GTF2F2: variants seen among roughly 807,000 people sequenced by gnomAD.
The protein encoded by GTF2F2 is general transcription factor IIF subunit 2, also known as ATP-dependent helicase GTF2F2.
In GTF2F2, 23 loss-of-function variants were observed where a neutral mutation model predicts 42.2. That is an observed-to-expected ratio of 0.55 (90% CI 0.39 to 0.77). The LOEUF (loss-of-function observed/expected upper bound fraction) is 0.77, where lower values mean the gene tolerates loss of function less well. GTF2F2 is among the 30% of genes least tolerant of loss of function. GTF2F2 has a pLI of 0.00. For synonymous variants in GTF2F2, 105 were observed against 100.8 expected, an observed-to-expected ratio of 1.04 and a Z score of -0.25; for missense variants, 261 against 287.2, an observed-to-expected ratio of 0.91 and a Z score of 0.66.
At chr13:45,198,079 A>G (rs1237976282) in intron 4 of GTF2F2, among the ~76,000 whole-genome samples, 4 of 152,218 alleles carry the variant, frequency 2.6e-5, no homozygotes, top group East Asian at 3.8e-4. Context: ...TTAATCATAT[A>G]TAACCAACTT....
intron 2 of GTF2F2, among the ~76,000 whole-genome samples, chr13:45,147,616 C>G (rs1870261455): frequency 6.6e-6 from 1 of 152,064 alleles, no homozygotes; most frequent in Admixed American, 6.6e-5. Flanking sequence ...ATTTTCTCAC[C>G]TCGTTTTAAG....
intron 4 of GTF2F2, among the ~76,000 whole-genome samples, chr13:45,200,430 C>A (rs1873121223): frequency 6.6e-6 from 1 of 151,348 alleles, no homozygotes. Context: ...TAGGAAACTC[C>A]CGTATAGTTG....
At chr13:45,225,942 T>A (rs1288858630) in intron 5 of GTF2F2, among the ~76,000 whole-genome samples, 2 of 152,160 alleles carry the variant, frequency 1.3e-5, no homozygotes, top group African/African-American at 4.8e-5. Flanking sequence ...TCAATCTTAT[T>A]GTAATTAACT....
At chr13:45,209,607 AG>A (rs999164274) in intron 5 of GTF2F2, among the ~76,000 whole-genome samples, 1 of 152,166 alleles carries the variant, frequency 6.6e-6, no homozygotes, top group Non-Finnish European at 1.5e-5. Flanking sequence ...GGAAGACTTT[AG>A]GGACCTGTGT....
intron 4 of GTF2F2, among the ~76,000 whole-genome samples, chr13:45,164,879 T>C (rs1209926939): frequency 6.6e-6 from 1 of 152,256 alleles, no homozygotes; most frequent in African/African-American, 2.4e-5. Context: ...ACTTGAACTG[T>C]GTTCTTGATT....
At chr13:45,263,650 A>G (rs2138260500) in intron 6 of GTF2F2, 1 of 152,252 alleles carries the variant, frequency 6.6e-6, no homozygotes, top group Admixed American at 6.5e-5. Context: ...AGTTAATTTT[A>G]TTTTCTGAAT....
chr13:45,167,689 G>A (rs1255767830), intron 4 of GTF2F2, among the ~76,000 whole-genome samples: 1 of 151,914 alleles, frequency 6.6e-6, no homozygotes, highest in African/African-American at 2.4e-5. Flanking sequence ...GTGAGCCACC[G>A]TGCCCGGCCC....
intron 4 of GTF2F2, among the ~76,000 whole-genome samples, chr13:45,174,525 T>G (rs1871766139): frequency 6.6e-6 from 1 of 152,108 alleles, no homozygotes; most frequent in African/African-American, 2.4e-5. Context: ...TAAGCCTTTA[T>G]TCCTCAGTAA....
chr13:45,176,388 G>A (rs1023863716), intron 4 of GTF2F2, among the ~76,000 whole-genome samples: 26 of 152,054 alleles, frequency 1.7e-4, no homozygotes, highest in African/African-American at 3.6e-4. Flanking sequence ...TTTGACATCC[G>A]TCTCTTTTTT....
chr13:45,129,797 G>C (rs769607082), intron 1 of GTF2F2, among the ~76,000 whole-genome samples: 11 of 152,206 alleles, frequency 7.2e-5, no homozygotes, highest in Non-Finnish European at 1.3e-4. Flanking sequence ...ATTTAAAGCA[G>C]ATGATAAGTG....
rs1017713698 is a variant in GTF2F2, at chr13:45,171,866, C to T, written c.304+20035C>T. ...CCTAAAATACTTGGTCTTTTGTGAC[C>T]TTTTTTTTTTTTTTTACTTAGCATG... On this transcript the variant is annotated intron_variant, in intron 4 of 7. Coordinates refer to ENST00000340473, the MANE Select transcript of GTF2F2 (RefSeq NM_004128.3). Among the ~76,000 whole-genome samples, 23 of 140,814 alleles carry T rather than the reference C, an allele frequency of 1.6e-4. 1 individual carries two copies. Among genetic ancestry groups the T allele is most frequent in the African/African-American group, 4.9e-4 (19 of 38,714 alleles). The allele number at this position is 140,814 out of a possible 152,430, so 92.4% of individuals were successfully genotyped here. A position where few individuals can be genotyped will look rare whatever the true frequency, so the allele number is the denominator to read the frequency against.
intron 6 of GTF2F2, among the ~76,000 whole-genome samples, chr13:45,260,086 A>G (rs1245406834): frequency 6.6e-6 from 1 of 152,066 alleles, no homozygotes; most frequent in Non-Finnish European, 1.5e-5. Flanking sequence ...TACTTAGTAA[A>G]CTGGTTGTTG....
At chr13:45,178,901 A>G (rs1872014703) in intron 4 of GTF2F2, among the ~76,000 whole-genome samples, 1 of 152,150 alleles carries the variant, frequency 6.6e-6, no homozygotes, top group African/African-American at 2.4e-5. Flanking sequence ...GCTAGGGTGC[A>G]GTGTCCAGGA....
intron 7 of GTF2F2, among the ~76,000 whole-genome samples, chr13:45,280,461 A>T (rs1452597804): frequency 2.6e-5 from 4 of 152,066 alleles, no homozygotes; most frequent in Admixed American, 6.6e-5. Context: ...AATTTATTTG[A>T]TTAGAGTAAA....
intron 4 of GTF2F2, among the ~76,000 whole-genome samples, chr13:45,168,592 G>T (rs1871415309): frequency 6.6e-6 from 1 of 151,996 alleles, no homozygotes; most frequent in Non-Finnish European, 1.5e-5. Flanking sequence ...AGTGTTTTCT[G>T]ACAAATAAAC....
At chr13:45,201,226 A>G (rs1428687797) in intron 4 of GTF2F2, among the ~76,000 whole-genome samples, 2 of 152,202 alleles carry the variant, frequency 1.3e-5, no homozygotes, top group Non-Finnish European at 2.9e-5. Context: ...CATAGAGTGT[A>G]TGTCAAGTTC....
At chr13:45,160,789 G>A (rs1276802828) in intron 4 of GTF2F2, among the ~76,000 whole-genome samples, 1 of 150,422 alleles carries the variant, frequency 6.6e-6, no homozygotes, top group East Asian at 1.9e-4. Context: ...TTAAAGGATG[G>A]GCTTTTTTCA....
At chr13:45,123,955 C>T in intron 1 of GTF2F2, 1 of 672,130 alleles carries the variant, frequency 1.5e-6, no homozygotes, top group Non-Finnish European at 2.6e-6. Flanking sequence ...GACTCCCCAG[C>T]ATTGAGGGTC....
intron 1 of GTF2F2, among the ~76,000 whole-genome samples, chr13:45,134,207 C>T (rs1253225143): frequency 1.3e-5 from 2 of 152,172 alleles, no homozygotes; most frequent in African/African-American, 2.4e-5. Flanking sequence ...GTATTGACTA[C>T]CCTTCCGCAA....
Sources: allele counts gnomAD v4.1 joint callset (sites outside exome capture counted in the v4.1 genomes callset), GRCh38; gene constraint gnomAD v4.1.1; transcripts MANE v1.5; gene names NCBI Gene and HGNC (gene_info 2026-07-23, HGNC 2026-07-21).